UGT1A4: variants seen among roughly 807,000 people sequenced by gnomAD.
The protein encoded by UGT1A4 is UDP glucuronosyltransferase family 1 member A4.
Under a neutral mutation model 41.1 loss-of-function variants are expected in UGT1A4, and 32 were observed. That is an observed-to-expected ratio of 0.78 (90% confidence interval 0.59 to 1.05). The LOEUF (loss-of-function observed/expected upper bound fraction) is 1.05. Ranked by LOEUF, UGT1A4 falls within the 50% of genes least tolerant of loss-of-function variation. The pLI, the probability that UGT1A4 is intolerant of heterozygous loss-of-function variation, is 0.00. For synonymous variants in UGT1A4, 283 were observed against 265.1 expected (o/e 1.07, Z -0.66); for missense variants, 748 against 677.4 (o/e 1.10, Z -1.16).
intron 1 of UGT1A4, among the ~76,000 whole-genome samples, chr2:233,748,665 G>C (rs2125893824): frequency 6.6e-6 from 1 of 151,856 alleles, no homozygotes; most frequent in South Asian, 2.1e-4. Context: ...AGTTTCCAGA[G>C]AGGGATCTGT....
intron 4 of UGT1A4, among the ~76,000 whole-genome samples, chr2:233,771,908 A>G (rs1288111972): frequency 2.6e-5 from 4 of 151,904 alleles, no homozygotes; most frequent in African/African-American, 9.7e-5. Context: ...TTCAGGTGAT[A>G]ATAGTAACAC....
At chr2:233,767,965 C>CAAACCAG (rs1699532267) in intron 3 of UGT1A4, 29 bp downstream of exon 3, 1 of 1,613,980 alleles carries the variant, frequency 6.2e-7, no homozygotes, top group Admixed American at 1.7e-5. Flanking sequence ...ATGTATAGGT[C>CAAACCAG]AAACCAGGGT....
intron 1 of UGT1A4, among the ~76,000 whole-genome samples, chr2:233,724,344 CCCCCA>C (rs2077230928): frequency 6.9e-6 from 1 of 144,984 alleles, no homozygotes; most frequent in East Asian, 2.2e-4. Flanking sequence ...GGGCTGACCC[CCCCCA>C]CCTCCCTCCC....
chr2:233,744,383 G>A (rs1055889727), intron 1 of UGT1A4, among the ~76,000 whole-genome samples: 51 of 151,842 alleles, frequency 3.4e-4, no homozygotes, highest in African/African-American at 1.2e-3. Flanking sequence ...GTTCTCCAAC[G>A]TTCCAGCCCC....
At chr2:233,754,978 C>T (rs1695669392) in intron 1 of UGT1A4, 1 of 1,298,496 alleles carries the variant, frequency 7.7e-7, no homozygotes, top group South Asian at 1.2e-5. Flanking sequence ...CTGAAGACCT[C>T]GGCGGGGTCA....
At chr2:233,760,529 T>C (rs1169787218) in intron 1 of UGT1A4, 1 of 1,614,248 alleles carries the variant, frequency 6.2e-7, no homozygotes, top group Middle Eastern at 1.6e-4. Flanking sequence ...ACGTACCCTG[T>C]GCCATTCCAA....
rs375836466 is a variant in UGT1A4, at chr2:233,719,244, A to C, written c.424A>C (p.Asn142His). The C allele has an allele frequency of 1.5e-5, 24 of 1,614,126 alleles. No homozygotes were observed. Among genetic ancestry groups the C allele is most frequent in the African/African-American group, 6.7e-5 (5 of 75,028 alleles). ...LHNEALIRHL[N>H]ATSFDVVLTD... ...TAATGAGGCCCTGATCAGGCACCTG[A>C]ATGCTACTTCCTTTGATGTGGTTTT... Residue 142 changes from asparagine to histidine, a missense_variant, in exon 1 of 5, where the codon AAT becomes CAT. Transcript: ENST00000373409.
chr2:233,762,650 A>G (rs1191446046), intron 1 of UGT1A4, among the ~76,000 whole-genome samples: 5 of 151,336 alleles, frequency 3.3e-5, no homozygotes, highest in Admixed American at 2.6e-4. Context: ...AAGATAAGCT[A>G]TTTTGTAGTT....
intron 1 of UGT1A4, among the ~76,000 whole-genome samples, chr2:233,762,202 T>C (rs1698001296): frequency 2.0e-5 from 3 of 152,160 alleles, no homozygotes; most frequent in Admixed American, 1.3e-4. Flanking sequence ...GGTCTGCATG[T>C]ATTTGGCGCC....
chr2:233,729,943 A>G (rs2077957237), intron 1 of UGT1A4: 2 of 1,613,936 alleles, frequency 1.2e-6, no homozygotes, highest in Admixed American at 1.7e-5. Context: ...CATGCCCAAC[A>G]TGGTCTTCAT....
intron 1 of UGT1A4, among the ~76,000 whole-genome samples, chr2:233,745,638 C>T (rs530940349): frequency 4.6e-5 from 7 of 151,244 alleles, no homozygotes; most frequent in South Asian, 2.1e-4. Context: ...GAAAGCTGGC[C>T]GAGGGTAGAG....
At position 233,747,349 on chromosome 2, in the gene UGT1A4, A is replaced by C. The variant is rs546536456; in HGVS notation, c.868-19685A>C. ...TGGCAGCCACTGGCTCGCATGCGGG[A>C]GGCCGTGCGGGAGCTCCATGCCAGA... On this transcript the variant is annotated intron_variant, in intron 1 of 4. Transcript: ENST00000373409. The C allele has an allele frequency of 4.2e-5, 68 of 1,603,008 alleles. 1 individual carries two copies. The South Asian group carries it at 6.8e-4, about 16-fold the overall frequency.
intron 1 of UGT1A4, among the ~76,000 whole-genome samples, chr2:233,757,535 AATATATAT>A (rs67292694): frequency 0.018 from 1,589 of 88,318 alleles, 155 homozygotes; most frequent in African/African-American, 0.076. Flanking sequence ...GCCTGTAAGG[AATATATAT>A]ATATATATAT....
intron 1 of UGT1A4, among the ~76,000 whole-genome samples, chr2:233,738,018 T>C (rs11902624): frequency 0.019 from 2,936 of 152,240 alleles, 43 homozygotes; most frequent in African/African-American, 0.03. Flanking sequence ...TCTTGAATTG[T>C]AATCCCCATA....
chr2:233,763,255 TTTGTC>T (rs2126002913), intron 1 of UGT1A4, among the ~76,000 whole-genome samples: 2 of 152,364 alleles, frequency 1.3e-5, no homozygotes, highest in Non-Finnish European at 2.9e-5. Context: ...AGTAACCTGT[TTTGTC>T]TTGTTGCATG....
chr2:233,747,367 A>T (rs752238909), intron 1 of UGT1A4: 40 of 1,604,286 alleles, frequency 2.5e-5, no homozygotes, highest in Non-Finnish European at 3.4e-5. Context: ...CGGGAGCTCC[A>T]TGCCAGAGGC....
At chr2:233,757,535 A>AAT (rs67292694) in intron 1 of UGT1A4, among the ~76,000 whole-genome samples, 7,470 of 88,184 alleles carry the variant, frequency 0.085, 593 homozygotes, top group East Asian at 0.11. Context: ...GCCTGTAAGG[A>AAT]ATATATATAT....
chr2:233,734,888 G>C (rs895051650), intron 1 of UGT1A4, among the ~76,000 whole-genome samples: 2 of 152,104 alleles, frequency 1.3e-5, no homozygotes, highest in African/African-American at 4.8e-5. Context: ...ACAGTTTGTT[G>C]TGATTTCTAT....
intron 1 of UGT1A4, chr2:233,743,075 T>C (rs1282774388): frequency 2.9e-6 from 1 of 344,366 alleles, no homozygotes; most frequent in Non-Finnish European, 5.7e-6. Context: ...GGTGTTGGCA[T>C]GAAGTGTTTA....
Sources: allele counts gnomAD v4.1 joint callset (sites outside exome capture counted in the v4.1 genomes callset), GRCh38; gene constraint gnomAD v4.1.1; transcripts MANE v1.5; gene names NCBI Gene and HGNC (gene_info 2026-07-23, HGNC 2026-07-21).